TMEM232: variants seen among roughly 807,000 people sequenced by gnomAD.
TMEM232 encodes transmembrane protein 232.
A neutral mutation model predicts 78.8 loss-of-function variants in TMEM232; 80 were observed. The ratio of observed to expected loss-of-function variants is 1.01; its 90% confidence interval spans 0.85 to 1.22. The LOEUF (loss-of-function observed/expected upper bound fraction) is 1.22, where lower values mean the gene tolerates loss of function less well. TMEM232 is among the 50% of genes most tolerant of loss of function. The pLI is 0.00. For missense variants in TMEM232, 881 were observed against 742.2 expected (o/e 1.19, Z -2.17); for synonymous variants, 297 against 254.3 (o/e 1.17, Z -1.60).
chr5:110,622,741 G>C (rs549622281), intron 7 of TMEM232, among the ~76,000 whole-genome samples: 1 of 151,298 alleles, frequency 6.6e-6, no homozygotes, highest in African/African-American at 2.4e-5. Flanking sequence ...GGTATTTCTA[G>C]TTCTAGATCC....
chr5:110,482,975 A>C (rs988656626), intron 12 of TMEM232, among the ~76,000 whole-genome samples: 1 of 150,552 alleles, frequency 6.6e-6, no homozygotes, highest in African/African-American at 2.5e-5. Flanking sequence ...TTGAATCAAC[A>C]TGAAGAAATA....
At chr5:110,584,206 C>T (rs1016948114) in intron 10 of TMEM232, among the ~76,000 whole-genome samples, 1 of 151,772 alleles carries the variant, frequency 6.6e-6, no homozygotes, top group East Asian at 1.9e-4. Context: ...TTACCATATT[C>T]ATTGCAGCAC....
intron 4 of TMEM232, among the ~76,000 whole-genome samples, chr5:110,389,099 A>G (rs958802974): frequency 1.3e-5 from 2 of 152,132 alleles, no homozygotes; most frequent in Non-Finnish European, 2.9e-5. Context: ...CGTCTCTACT[A>G]AAAGTGCAAA....
At chr5:110,583,746 C>T (rs896023163) in intron 10 of TMEM232, among the ~76,000 whole-genome samples, 1 of 151,536 alleles carries the variant, frequency 6.6e-6, no homozygotes, top group Non-Finnish European at 1.5e-5. Context: ...TATGTTGAAA[C>T]ATTAATCTTG....
intron 12 of TMEM232, among the ~76,000 whole-genome samples, chr5:110,467,902 A>C (rs536454452): frequency 1.1e-4 from 17 of 152,134 alleles, no homozygotes; most frequent in African/African-American, 3.9e-4. Context: ...TGTTTTGGGA[A>C]TCTTCTATAC....
intron 12 of TMEM232, among the ~76,000 whole-genome samples, chr5:110,479,175 A>T (rs1261067265): frequency 1.3e-5 from 2 of 151,838 alleles, no homozygotes; most frequent in African/African-American, 2.4e-5. Context: ...GGGCTGAGGT[A>T]TTAATTGATT....
At chr5:110,426,422 A>G (rs1467272219) in intron 12 of TMEM232, among the ~76,000 whole-genome samples, 2 of 152,072 alleles carry the variant, frequency 1.3e-5, no homozygotes, top group Non-Finnish European at 2.9e-5. Context: ...GAATGATTAA[A>G]TGAATAAATG....
At position 110,641,014 on chromosome 5, in the gene TMEM232, G is replaced by T. The variant is rs1179037660; in HGVS notation, c.238-18C>A. ...AATTTTCTCTGTTATGAGGAAGCATGAAAAAGACAAATCAAAATGTACATA... is the reference window on the plus strand; with the variant it reads ...AATTTTCTCTGTTATGAGGAAGCATTAAAAAGACAAATCAAAATGTACATA... On this transcript the variant is annotated intron_variant, in intron 3 of 13. Transcript: ENST00000455884. The T allele has an allele frequency of 2.8e-6, 4 of 1,444,370 alleles. No homozygotes were observed. Among genetic ancestry groups the T allele is most frequent in the Non-Finnish European group, 3.7e-6 (4 of 1,082,548 alleles). 89.5% of individuals were successfully genotyped at this position (1,444,370 alleles called of 1,614,324 possible).
At chr5:110,533,386 G>A (rs918559003) in intron 11 of TMEM232, among the ~76,000 whole-genome samples, 2 of 152,124 alleles carry the variant, frequency 1.3e-5, no homozygotes, top group African/African-American at 2.4e-5. Flanking sequence ...CATAGTTACT[G>A]CAGTCAGAAT....
At chr5:110,728,364 T>G (rs1176900963), upstream of TMEM232, among the ~76,000 whole-genome samples, 2 of 151,868 alleles carry the variant, frequency 1.3e-5, no homozygotes, top group Non-Finnish European at 2.9e-5. Flanking sequence ...AATTTGCCAT[T>G]TTAACTCAGT....
At chr5:110,485,042 T>C (rs187170129) in intron 12 of TMEM232, among the ~76,000 whole-genome samples, 1 of 152,234 alleles carries the variant, frequency 6.6e-6, no homozygotes, top group East Asian at 1.9e-4. Context: ...GGTGGGAATG[T>C]AAACAAGTAT....
chr5:110,463,825 C>A (rs1761793305), intron 12 of TMEM232, among the ~76,000 whole-genome samples: 1 of 152,172 alleles, frequency 6.6e-6, no homozygotes, highest in Non-Finnish European at 1.5e-5. Flanking sequence ...ACCTGCCCTA[C>A]ATAAGACCAC....
rs148901656 is a variant in TMEM232, at chr5:110,674,935, T to C, written c.-12-7571A>G. ...TATTAGTGACAGAAAGGTAGAACTG[T>C]TGGATTAGCACCATTATTTACAAGT... On this transcript the variant is annotated intron_variant, in intron 1 of 13. Transcript: ENST00000455884. Among the ~76,000 whole-genome samples, 13 of 152,340 alleles carry C rather than the reference T, an allele frequency of 8.5e-5. No individual in the cohort carries two copies. The East Asian group carries it at 2.5e-3, about 29-fold the overall frequency.
At chr5:110,611,998 A>T (rs781073370) in intron 8 of TMEM232, among the ~76,000 whole-genome samples, 2 of 152,152 alleles carry the variant, frequency 1.3e-5, no homozygotes, top group South Asian at 4.1e-4. Flanking sequence ...ACGTGTACTG[A>T]GGTAGAAATT....
Position 110,687,214 on chromosome 5 carries a change from T to C in TMEM232, c.-12-19850A>G, listed in dbSNP as rs116499051. On this transcript the variant is annotated intron_variant, in intron 1 of 13. Transcript: ENST00000455884. ...GAATTTGTGGCACAAGAACCAGGTATAGCTAATCAACACTTTATGTTATTT... is the reference window on the plus strand; with the variant it reads ...GAATTTGTGGCACAAGAACCAGGTACAGCTAATCAACACTTTATGTTATTT... Among the ~76,000 whole-genome samples, 20 of 152,252 alleles carry C rather than the reference T, an allele frequency of 1.3e-4. No individual in the cohort carries two copies. In the East Asian group the frequency reaches 3.5e-3, roughly 26 times the overall value.
At chr5:110,595,184 T>C (rs1361577006) in intron 10 of TMEM232, among the ~76,000 whole-genome samples, 2 of 152,162 alleles carry the variant, frequency 1.3e-5, no homozygotes, top group Admixed American at 6.5e-5. Flanking sequence ...AAGAGGGGCC[T>C]GACTGTTAGA....
At chr5:110,566,835 T>A (rs190908248) in intron 11 of TMEM232, among the ~76,000 whole-genome samples, 221 of 152,022 alleles carry the variant, frequency 1.5e-3, no homozygotes, top group African/African-American at 5.2e-3. Flanking sequence ...AATCCCAATT[T>A]ACTGTATCAG....
chr5:110,446,404 A>G (rs1436496124), intron 12 of TMEM232, among the ~76,000 whole-genome samples: 2 of 152,188 alleles, frequency 1.3e-5, no homozygotes, highest in Middle Eastern at 3.2e-3. Context: ...GAGATATTGG[A>G]CCATTTCTGG....
At chr5:110,678,430 T>C (rs984904429) in intron 1 of TMEM232, among the ~76,000 whole-genome samples, 67 of 152,188 alleles carry the variant, frequency 4.4e-4, no homozygotes, top group Non-Finnish European at 8.8e-5. Context: ...ATTTCCCATA[T>C]ACCTCCAACT....
Sources: allele counts gnomAD v4.1 joint callset (sites outside exome capture counted in the v4.1 genomes callset), GRCh38; gene constraint gnomAD v4.1.1; transcripts MANE v1.5; gene names NCBI Gene and HGNC (gene_info 2026-07-23, HGNC 2026-07-21).